The following KRIT1 variants were observed in gnomAD, a reference collection of about 807,000 sequenced individuals.
The protein encoded by KRIT1 is krev interaction trapped protein 1.
In KRIT1, 45 loss-of-function variants were observed where a neutral mutation model predicts 95.8. The observed-to-expected ratio is 0.47, with a 90% CI of 0.37 to 0.60. The LOEUF (loss-of-function observed/expected upper bound fraction) is 0.60, where lower values mean the gene tolerates loss of function less well. Among genes scored for constraint, KRIT1 ranks in the 20% least tolerant of loss-of-function variants. The probability of loss-of-function intolerance (pLI) is 0.00; values close to 1 mark genes in which losing one functional copy is unlikely to be tolerated. For synonymous variants in KRIT1, 282 were observed against 278.8 expected, an observed-to-expected ratio of 1.01 and a Z score of -0.11; for missense variants, 788 against 877.5, an observed-to-expected ratio of 0.90 and a Z score of 1.29.
At chr7:92,205,061 A>G (rs1791111630) in intron 17 of KRIT1, among the ~76,000 whole-genome samples, 1 of 152,196 alleles carries the variant, frequency 6.6e-6, no homozygotes, top group Non-Finnish European at 1.5e-5. Flanking sequence ...CAAGACACAT[A>G]AAGGGGCGAG....
intron 14 of KRIT1, among the ~76,000 whole-genome samples, chr7:92,218,769 A>G (rs1368185306): frequency 2.6e-5 from 4 of 152,126 alleles, no homozygotes; most frequent in Non-Finnish European, 5.9e-5. Flanking sequence ...TGATTTGCTA[A>G]TATTTTCTCC....
chr7:92,244,613 G>C (rs560029379), intron 2 of KRIT1, among the ~76,000 whole-genome samples: 1 of 152,278 alleles, frequency 6.6e-6, no homozygotes, highest in Admixed American at 6.5e-5. Flanking sequence ...AATAACAAAA[G>C]TAACTAACAT....
At chr7:92,218,421 C>G (rs2131379447) in intron 14 of KRIT1, among the ~76,000 whole-genome samples, 1 of 150,998 alleles carries the variant, frequency 6.6e-6, no homozygotes, top group East Asian at 2.0e-4. Flanking sequence ...TGCTCTATTA[C>G]CCAGGCTGGT....
Position 92,199,920 on chromosome 7 carries a change from A to G in KRIT1, c.*816T>C, listed in dbSNP as rs1584684488. ...ACTATACTTTGAGAAACACTACTGT[A>G]TATCAGATTTACATTTTAACTAAGA... On this transcript the variant is annotated 3_prime_UTR_variant, in exon 19 of 19. Coordinates refer to ENST00000394505, the MANE Select transcript of KRIT1 (RefSeq NM_194454.3). 1 of 152,272 alleles carries G rather than the reference A, an allele frequency of 6.6e-6. No homozygotes were observed. Among genetic ancestry groups the G allele is most frequent in the Non-Finnish European group, 1.5e-5 (1 of 68,044 alleles). The allele number at this position is 152,272 out of a possible 1,614,324, so 9.4% of individuals were successfully genotyped here. A position where few individuals can be genotyped will look rare whatever the true frequency, so the allele number is the denominator to read the frequency against.
chr7:92,228,271 CAGTG>C (rs1233949528), intron 10 of KRIT1, among the ~76,000 whole-genome samples: 2 of 152,226 alleles, frequency 1.3e-5, no homozygotes, highest in Non-Finnish European at 2.9e-5. Context: ...CATACGCACA[CAGTG>C]AGTCAACCTC....
intron 14 of KRIT1, among the ~76,000 whole-genome samples, chr7:92,219,981 C>G (rs1377361680): frequency 6.6e-6 from 1 of 152,166 alleles, no homozygotes; most frequent in African/African-American, 2.4e-5. Flanking sequence ...CTTGAAACTT[C>G]GCTGAATTAA....
intron 10 of KRIT1, among the ~76,000 whole-genome samples, chr7:92,227,475 A>G (rs1796426830): frequency 6.6e-6 from 1 of 152,102 alleles, no homozygotes; most frequent in South Asian, 2.1e-4. Context: ...TCCAGAAAAC[A>G]AGAGATATGA....
At chr7:92,201,974 G>C (rs554600143) in intron 17 of KRIT1, among the ~76,000 whole-genome samples, 1 of 152,264 alleles carries the variant, frequency 6.6e-6, no homozygotes, top group African/African-American at 2.4e-5. Context: ...CATTTTTAAA[G>C]ATGTCAATTC....
At chr7:92,230,728 T>C (rs542837213) in intron 10 of KRIT1, among the ~76,000 whole-genome samples, 2 of 152,252 alleles carry the variant, frequency 1.3e-5, no homozygotes, top group African/African-American at 2.4e-5. Flanking sequence ...GAAGAATTTT[T>C]ATGTGTATAC....
At chr7:92,243,171 T>C (rs1399965250) in intron 3 of KRIT1, among the ~76,000 whole-genome samples, 5 of 152,218 alleles carry the variant, frequency 3.3e-5, no homozygotes, top group African/African-American at 7.2e-5. Flanking sequence ...TGTGTGCGTG[T>C]GTGTTATGCA....
intron 12 of KRIT1, 94 bp downstream of exon 12, chr7:92,225,626 C>G: frequency 1.3e-6 from 1 of 772,124 alleles, no homozygotes; most frequent in Non-Finnish European, 2.3e-6. Flanking sequence ...AAGAAGCCAT[C>G]TAATCGTCTT....
chr7:92,224,581 A>T (rs1024286844), intron 12 of KRIT1, among the ~76,000 whole-genome samples: 3 of 152,114 alleles, frequency 2.0e-5, no homozygotes, highest in Non-Finnish European at 4.4e-5. Flanking sequence ...CACTAATTTG[A>T]GCTTTATGCC....
In KRIT1 at chr7:92,200,729, T is replaced by G; in HGVS notation, c.*7A>C. On this transcript the variant is annotated 3_prime_UTR_variant, in exon 19 of 19. Coordinates refer to ENST00000394505, the MANE Select transcript of KRIT1 (RefSeq NM_194454.3). ...ATGTGGTGGCTTGAGTAACAGTTAC[T>G]TCTCTTTCATGAATTTCTTTCAGTG... The G allele has an allele frequency of 6.4e-7, 1 of 1,570,440 alleles. No individual in the cohort carries two copies. The highest frequency in any genetic ancestry group is 1.1e-5 in the South Asian group (1 of 90,200).
rs1346273384 is a variant in KRIT1, at chr7:92,244,992, C to T, written c.-241G>A. ...CAACTGCCATTTAGTGTCCATGGAA[C>T]AGGTTTGCTAACATCCTCTTAGTAT... On this transcript the variant is annotated 5_prime_UTR_variant, in exon 2 of 19. Coordinates refer to ENST00000394505, the MANE Select transcript of KRIT1 (RefSeq NM_194454.3). 3 of 151,992 alleles carry T rather than the reference C, an allele frequency of 2.0e-5. No individual in the cohort carries two copies. The highest frequency in any genetic ancestry group is 7.3e-5 in the African/African-American group (3 of 41,340). The allele number at this position is 151,992 out of a possible 1,614,324, so 9.4% of individuals were successfully genotyped here. A position where few individuals can be genotyped will look rare whatever the true frequency, so the allele number is the denominator to read the frequency against.
intron 17 of KRIT1, among the ~76,000 whole-genome samples, chr7:92,208,465 A>C (rs1792050165): frequency 6.6e-6 from 1 of 152,144 alleles, no homozygotes; most frequent in Admixed American, 6.5e-5. Context: ...GTAAACTGTT[A>C]GGTAGACTAA....
intron 17 of KRIT1, among the ~76,000 whole-genome samples, chr7:92,211,869 G>C (rs986137307): frequency 4.6e-5 from 7 of 151,886 alleles, no homozygotes; most frequent in Admixed American, 2.6e-4. Flanking sequence ...GAGGCAGGAG[G>C]ATCATTTGAG....
chr7:92,243,071 C>T (rs1462643639), intron 3 of KRIT1, among the ~76,000 whole-genome samples: 5 of 152,134 alleles, frequency 3.3e-5, no homozygotes, highest in East Asian at 3.9e-4. Flanking sequence ...CCACCTGCCT[C>T]GGCCTCCCAA....
Position 92,215,776 on chromosome 7 carries a change from T to A in KRIT1, c.1564-999A>T, listed in dbSNP as rs202178131. 5.7e-3 allele frequency among the ~76,000 whole-genome samples: 851 copies of A among 150,108 alleles called. 3 individuals are homozygous for A. Among genetic ancestry groups the A allele is most frequent in the African/African-American group, 6.8e-3 (278 of 41,086 alleles). On this transcript the variant is annotated intron_variant, in intron 14 of 18. Coordinates refer to ENST00000394505, the MANE Select transcript of KRIT1 (RefSeq NM_194454.3). ...TGGCCTAGATCTTTTTTTTTTTTTTTAAAACTATAAAGTTTATCCAATAAG... is the reference window on the plus strand; with the variant it reads ...TGGCCTAGATCTTTTTTTTTTTTTTAAAAACTATAAAGTTTATCCAATAAG...
intron 5 of KRIT1, 159 bp downstream of exon 5, chr7:92,240,834 G>C: frequency 1.6e-6 from 1 of 639,904 alleles, no homozygotes; most frequent in Non-Finnish European, 2.7e-6. Context: ...CATCTTGAAG[G>C]GGCTTGGGTG....
Sources: gnomAD v4.1 joint callset for allele counts (sites outside exome capture counted in the v4.1 genomes callset) on GRCh38, gnomAD v4.1.1 for gene constraint, MANE v1.5 for transcripts, NCBI Gene and HGNC (gene_info 2026-07-23, HGNC 2026-07-21) for gene names.